The following NTM variants were observed in gnomAD, a reference collection of about 807,000 sequenced individuals.
The protein encoded by NTM is IgLON family member 2.
In NTM, 13 loss-of-function variants were observed where a neutral mutation model predicts 42.1. The ratio of observed to expected loss-of-function variants is 0.31; its 90% confidence interval spans 0.20 to 0.49. The LOEUF is 0.49. Among genes scored for constraint, NTM ranks in the 20% least tolerant of loss-of-function variants. NTM has a pLI of 0.99. For missense variants in NTM, 373 were observed against 452.8 expected (o/e 0.82, Z 1.60); for synonymous variants, 187 against 179.2 (o/e 1.04, Z -0.35).
intron 1 of NTM, among the ~76,000 whole-genome samples, chr11:131,460,843 C>T (rs761490757): frequency 5.9e-5 from 9 of 152,252 alleles, no homozygotes; most frequent in East Asian, 5.8e-4. Flanking sequence ...CGTGAACCAC[C>T]GCGCCCTGCC....
intron 1 of NTM, among the ~76,000 whole-genome samples, chr11:131,451,664 G>GATAGACCTGGAC (rs1245116293): frequency 2.6e-5 from 4 of 152,184 alleles, no homozygotes; most frequent in African/African-American, 9.6e-5. Context: ...AAGTCCAGGT[G>GATAGACCTGGAC]TTTGTGGATG....
intron 2 of NTM, among the ~76,000 whole-genome samples, chr11:132,046,751 G>A (rs1232254099): frequency 6.6e-6 from 1 of 152,066 alleles, no homozygotes; most frequent in Non-Finnish European, 1.5e-5. Context: ...AAAGGCAAGG[G>A]GTCTTTGTGG....
intron 4 of NTM, among the ~76,000 whole-genome samples, chr11:132,217,690 A>T (rs1158876956): frequency 6.6e-6 from 1 of 152,010 alleles, no homozygotes; most frequent in East Asian, 1.9e-4. Context: ...CTCAGCTGCC[A>T]GATCTCTTCC....
chr11:132,025,229 G>A (rs2075006085), intron 2 of NTM, among the ~76,000 whole-genome samples: 2 of 152,118 alleles, frequency 1.3e-5, no homozygotes, highest in Non-Finnish European at 1.5e-5. Flanking sequence ...TTCACATGCC[G>A]TTGGGCTCAC....
intron 2 of NTM, among the ~76,000 whole-genome samples, chr11:132,025,137 G>T (rs932712790): frequency 2.6e-5 from 4 of 152,174 alleles, no homozygotes; most frequent in Admixed American, 2.6e-4. Context: ...GAGCAGTGGG[G>T]TAGCAGGAAA....
At chr11:131,600,155 A>G (rs1464109338) in intron 1 of NTM, among the ~76,000 whole-genome samples, 1 of 152,188 alleles carries the variant, frequency 6.6e-6, no homozygotes, top group Non-Finnish European at 1.5e-5. Context: ...CCCTCCTCCC[A>G]GCAGCCCTCT....
rs575060829 is a variant in NTM at position 131,915,810 on chromosome 11, G to C, written c.167+4162G>C. Among the ~76,000 whole-genome samples the C allele has an allele frequency of 3.3e-5, 5 of 152,330 alleles. No individual in the cohort carries two copies. In the East Asian group the frequency reaches 9.6e-4, roughly 29 times the overall value. ...CCCTTATAAAATCATCAGATCCTGT[G>C]AGACTGATTCACTACCACCAGAGCA... On this transcript the variant is annotated intron_variant, in intron 2 of 8. Coordinates refer to ENST00000683400, the MANE Select transcript of NTM (RefSeq NM_001352005.2).
chr11:131,652,744 A>C (rs1212435873), intron 1 of NTM, among the ~76,000 whole-genome samples: 1 of 152,174 alleles, frequency 6.6e-6, no homozygotes, highest in African/African-American at 2.4e-5. Context: ...TTCTCAATGA[A>C]AACAAGCAAA....
intron 4 of NTM, among the ~76,000 whole-genome samples, chr11:132,253,806 A>G (rs2092223043): frequency 6.6e-6 from 1 of 152,144 alleles, no homozygotes; most frequent in Non-Finnish European, 1.5e-5. Flanking sequence ...CAGTGTGAAG[A>G]TGATAAAGAC....
intron 1 of NTM, among the ~76,000 whole-genome samples, chr11:131,491,961 T>A (rs908403817): frequency 6.6e-6 from 1 of 152,220 alleles, no homozygotes; most frequent in African/African-American, 2.4e-5. Flanking sequence ...TTTATATGTA[T>A]TAACGCATAT....
In NTM at chr11:131,951,479, A is replaced by G. The variant is rs531496212; in HGVS notation, c.167+39831A>G. On this transcript the variant is annotated intron_variant, in intron 2 of 8. Transcript: ENST00000683400. Reference sequence around the variant, plus strand: ...CCACCCTATTAACCTGCTCCTCTGAATAAGGAGCTGTCCACACAGAAGCAA... The same window carrying G: ...CCACCCTATTAACCTGCTCCTCTGAGTAAGGAGCTGTCCACACAGAAGCAA... Among the ~76,000 whole-genome samples, 19 of 152,256 alleles carry G rather than the reference A, an allele frequency of 1.2e-4. No homozygotes were observed. In the South Asian group the frequency reaches 3.9e-3, roughly 32 times the overall value.
At chr11:132,009,067 C>T (rs745319712) in intron 2 of NTM, among the ~76,000 whole-genome samples, 8 of 152,184 alleles carry the variant, frequency 5.3e-5, no homozygotes, top group African/African-American at 7.2e-5. Flanking sequence ...CTCTGCTTCC[C>T]GCTGACTGAT....
intron 1 of NTM, among the ~76,000 whole-genome samples, chr11:131,408,232 C>T (rs952497148): frequency 4.6e-5 from 7 of 152,164 alleles, no homozygotes; most frequent in African/African-American, 1.4e-4. Flanking sequence ...GGAGACAAAA[C>T]GCCTGTCTTC....
intron 6 of NTM, among the ~76,000 whole-genome samples, chr11:132,311,788 A>G (rs909263666): frequency 2.0e-5 from 3 of 152,186 alleles, no homozygotes; most frequent in African/African-American, 7.2e-5. Context: ...GGAAAGCAAA[A>G]TCTTAGAGGA....
intron 2 of NTM, among the ~76,000 whole-genome samples, chr11:132,120,981 C>A (rs2064722901): frequency 6.6e-6 from 1 of 152,116 alleles, no homozygotes; most frequent in Non-Finnish European, 1.5e-5. Context: ...GATCTAATAT[C>A]TTGAATTAAT....
intron 1 of NTM, among the ~76,000 whole-genome samples, chr11:131,717,243 T>C (rs932623268): frequency 6.6e-6 from 1 of 152,236 alleles, no homozygotes; most frequent in Non-Finnish European, 1.5e-5. Flanking sequence ...TATAGATTTT[T>C]AAATTAGCTT....
intron 1 of NTM, among the ~76,000 whole-genome samples, chr11:131,741,775 G>A (rs921099806): frequency 2.0e-5 from 3 of 152,122 alleles, no homozygotes; most frequent in Non-Finnish European, 4.4e-5. Flanking sequence ...TGCTTCCTTC[G>A]ATAGCTCAGC....
chr11:131,401,725 G>A (rs1282697178), intron 1 of NTM, among the ~76,000 whole-genome samples: 1 of 140,022 alleles, frequency 7.1e-6, no homozygotes, highest in African/African-American at 2.7e-5. Context: ...ATTTCCTCCA[G>A]ATAAATTTTA....
chr11:132,058,218 T>C (rs1180158926), intron 2 of NTM, among the ~76,000 whole-genome samples: 2 of 152,174 alleles, frequency 1.3e-5, no homozygotes, highest in African/African-American at 2.4e-5. Context: ...TTTGTCTGCT[T>C]GTTGCCTGTC....
Sources: allele counts gnomAD v4.1 joint callset (sites outside exome capture counted in the v4.1 genomes callset), GRCh38; gene constraint gnomAD v4.1.1; transcripts MANE v1.5; gene names NCBI Gene and HGNC (gene_info 2026-07-23, HGNC 2026-07-21).